NRXN3: variants seen among roughly 807,000 people sequenced by gnomAD.
NRXN3 encodes the protein neurexin 3.
A neutral mutation model predicts 137.6 loss-of-function variants in NRXN3; 32 were observed. The ratio of observed to expected loss-of-function variants is 0.23; its 90% CI spans 0.18 to 0.31. NRXN3 has a LOEUF of 0.31. Ranked by LOEUF, NRXN3 falls within the 10% of genes least tolerant of loss-of-function variation. The pLI is 1.00. For missense variants in NRXN3, 1,574 were observed against 2,062.5 expected (o/e 0.76, Z 4.59); for synonymous variants, 798 against 784.5 (o/e 1.02, Z -0.29).
At chr14:78,545,811 C>T (rs1277915625) in intron 4 of NRXN3, among the ~76,000 whole-genome samples, 1 of 152,168 alleles carries the variant, frequency 6.6e-6, no homozygotes, top group East Asian at 1.9e-4. Context: ...AGGAACTCTA[C>T]TTTCTGGAAT....
chr14:78,184,892 G>A (rs1331502997), intron 1 of NRXN3, among the ~76,000 whole-genome samples: 1 of 152,218 alleles, frequency 6.6e-6, no homozygotes, highest in African/African-American at 2.4e-5. Context: ...CCCTGCTGGT[G>A]TTGCTCGAGT....
chr14:78,210,796 A>G (rs1241051677), intron 1 of NRXN3, among the ~76,000 whole-genome samples: 1 of 152,082 alleles, frequency 6.6e-6, no homozygotes, highest in Non-Finnish European at 1.5e-5. Context: ...TAACATTTTA[A>G]AGATTTATCT....
At chr14:78,522,516 A>G (rs890424967) in intron 4 of NRXN3, among the ~76,000 whole-genome samples, 11 of 152,230 alleles carry the variant, frequency 7.2e-5, no homozygotes, top group African/African-American at 2.7e-4. Context: ...TCCTGGCACT[A>G]TAACACTACT....
intron 20 of NRXN3, among the ~76,000 whole-genome samples, chr14:79,856,971 G>A (rs1415869033): frequency 6.6e-6 from 1 of 152,114 alleles, no homozygotes; most frequent in Non-Finnish European, 1.5e-5. Flanking sequence ...AAATTCTGGG[G>A]ATAGCATAGG....
At chr14:79,857,409 A>AGAT (rs1422021419) in intron 20 of NRXN3, among the ~76,000 whole-genome samples, 1 of 151,858 alleles carries the variant, frequency 6.6e-6, no homozygotes, top group Admixed American at 6.6e-5. Context: ...TTTTTAGTAG[A>AGAT]GATGGGGTTT....
chr14:79,388,662 A>T (rs2094730423), intron 15 of NRXN3, among the ~76,000 whole-genome samples: 1 of 152,032 alleles, frequency 6.6e-6, no homozygotes, highest in Admixed American at 6.6e-5. Context: ...AGTTCATCAT[A>T]TCCCTTACCC....
In NRXN3 at chr14:78,890,515, CA is replaced by C. The variant is rs531385605; in HGVS notation, c.2276-66726del. ...AATTTCTCATGGACCAATGTTCTCCCAGCAGAGGAAATATATCTTCCTGCCC... is the reference window on the plus strand; with the variant it reads ...AATTTCTCATGGACCAATGTTCTCCCGCAGAGGAAATATATCTTCCTGCCC... On this transcript the variant is annotated intron_variant, in intron 10 of 20. Transcript: ENST00000335750. Among the ~76,000 whole-genome samples, 36 of 151,924 alleles carry C rather than the reference CA, an allele frequency of 2.4e-4. No individual in the cohort carries two copies. In the South Asian group the frequency reaches 7.5e-3, roughly 32 times the overall value.
chr14:79,731,949 C>G (rs1451754365), intron 19 of NRXN3, among the ~76,000 whole-genome samples: 1 of 151,694 alleles, frequency 6.6e-6, no homozygotes, highest in Non-Finnish European at 1.5e-5. Context: ...GTTTTTTTCC[C>G]CAATATTTTG....
intron 4 of NRXN3, among the ~76,000 whole-genome samples, chr14:78,358,783 A>G (rs1475716343): frequency 6.6e-6 from 1 of 152,156 alleles, no homozygotes; most frequent in Admixed American, 6.5e-5. Flanking sequence ...CATTCTGTTC[A>G]AAGATCACTG....
rs116561415 is a variant in NRXN3 at position 78,420,146 on chromosome 14, A to G, written c.757+122286A>G. 6.6e-3 allele frequency among the ~76,000 whole-genome samples: 1,006 copies of G among 152,276 alleles called. 9 individuals carry two copies. Among genetic ancestry groups the G allele is most frequent in the African/African-American group, 0.023 (948 of 41,576 alleles). On this transcript the variant is annotated intron_variant, in intron 4 of 20. Transcript: ENST00000335750. ...CCCAAGTTGACTTGACAGTCTAAGC[A>G]GGGGGATAAGGCAGATGAATATGTG...
At chr14:78,617,697 G>A (rs559201618) in intron 4 of NRXN3, among the ~76,000 whole-genome samples, 3 of 151,932 alleles carry the variant, frequency 2.0e-5, no homozygotes, top group East Asian at 1.9e-4. Context: ...ACTTTCCTGG[G>A]CCTCAGTCTC....
At chr14:78,633,145 C>T (rs550545158) in intron 4 of NRXN3, among the ~76,000 whole-genome samples, 1 of 149,920 alleles carries the variant, frequency 6.7e-6, no homozygotes, top group East Asian at 2.0e-4. Context: ...GTCCTAGCTA[C>T]TCGGGAGGCT....
intron 19 of NRXN3, among the ~76,000 whole-genome samples, chr14:79,706,535 A>G (rs1567955899): frequency 1.3e-5 from 2 of 150,572 alleles, no homozygotes; most frequent in African/African-American, 4.9e-5. Flanking sequence ...GAGGCCTCTG[A>G]GGAGGAAAGC....
At chr14:79,797,394 C>G (rs1205463441) in intron 19 of NRXN3, among the ~76,000 whole-genome samples, 1 of 152,142 alleles carries the variant, frequency 6.6e-6, no homozygotes, top group African/African-American at 2.4e-5. Context: ...TTAAAATTCA[C>G]AGGGTGTTGT....
intron 2 of NRXN3, among the ~76,000 whole-genome samples, chr14:78,278,210 G>A (rs2073889466): frequency 3.9e-5 from 6 of 152,064 alleles, no homozygotes; most frequent in Admixed American, 2.6e-4. Context: ...TTTTCTCTCT[G>A]CTGGGAAACC....
intron 10 of NRXN3, among the ~76,000 whole-genome samples, chr14:78,830,523 C>T (rs931552225): frequency 3.3e-5 from 5 of 151,914 alleles, no homozygotes; most frequent in Admixed American, 6.6e-5. Context: ...TTTCCTGCCT[C>T]GTCTTAGCAC....
intron 15 of NRXN3, among the ~76,000 whole-genome samples, chr14:79,386,974 T>C (rs1401849077): frequency 6.6e-6 from 1 of 152,162 alleles, no homozygotes; most frequent in Non-Finnish European, 1.5e-5. Context: ...AAGACTTAAA[T>C]GTTAGACCTA....
At chr14:78,248,303 C>CT (rs1491400434) in intron 2 of NRXN3, among the ~76,000 whole-genome samples, 1 of 14,494 alleles carries the variant, frequency 6.9e-5, no homozygotes, top group African/African-American at 2.2e-4. Context: ...CCGCCCCCCG[C>CT]CCCCCCCCCC....
chr14:78,667,286 T>C (rs1226593824), intron 6 of NRXN3, among the ~76,000 whole-genome samples: 1 of 152,222 alleles, frequency 6.6e-6, no homozygotes, highest in African/African-American at 2.4e-5. Context: ...TCTATAAAAC[T>C]GGTATCTTAA....
Sources: gnomAD v4.1 joint callset for allele counts (sites outside exome capture counted in the v4.1 genomes callset) on GRCh38, gnomAD v4.1.1 for gene constraint, MANE v1.5 for transcripts, NCBI Gene and HGNC (gene_info 2026-07-23, HGNC 2026-07-21) for gene names.